Variants in MYH11 observed in about 807,000 individuals in gnomAD.
MYH11 encodes myosin heavy chain 11.
A neutral mutation model predicts 246.6 loss-of-function variants in MYH11; 80 were observed. That is an observed-to-expected ratio of 0.32 (90% CI 0.27 to 0.39). The LOEUF is 0.39. MYH11 is among the 10% of genes least tolerant of loss of function. The pLI, the probability that MYH11 is intolerant of heterozygous loss-of-function variation, is 1.00. For missense variants in MYH11, 2,158 were observed against 2,546.8 expected (o/e 0.85, Z 3.29); for synonymous variants, 1,071 against 1,015.5 (o/e 1.05, Z -1.04).
At chr16:15,833,424 T>G (rs215592) in intron 2 of MYH11, among the ~76,000 whole-genome samples, 119,099 of 150,584 alleles carry the variant, frequency 0.79, 47,407 homozygotes, top group African/African-American at 0.87. Flanking sequence ...AGGAACGAAC[T>G]AACTAACTCG....
intron 2 of MYH11, among the ~76,000 whole-genome samples, chr16:15,825,512 G>A (rs1267324936): frequency 1.3e-5 from 2 of 151,862 alleles, no homozygotes; most frequent in African/African-American, 2.4e-5. Flanking sequence ...AGCTATGATT[G>A]TACCATTGCA....
intron 8 of MYH11, among the ~76,000 whole-genome samples, chr16:15,773,290 A>ATTT (rs34265896): frequency 0.13 from 16,967 of 128,520 alleles, 1,442 homozygotes; most frequent in South Asian, 0.18. Context: ...TCCTCCAGCT[A>ATTT]TTTTTTTTTT....
rs59352444 is a variant in MYH11 at position 15,831,464 on chromosome 16, GGTGTGTGTGTGTGT to G, written c.345+6430_345+6443del. On this transcript the variant is annotated intron_variant, in intron 2 of 40. Coordinates refer to ENST00000300036, the MANE Select transcript of MYH11 (RefSeq NM_002474.3). ...AGGAGTGACTTTTTCTTATGTTTGG[GGTGTGTGTGTGTGT>G]GTGTGTGTGTGTGTGTGTGTACATA... is the stretch of plus-strand genomic sequence containing the variant. 2.7e-5 allele frequency among the ~76,000 whole-genome samples: 4 copies of G among 145,588 alleles called. No homozygotes were observed. The South Asian group carries it at 6.6e-4, about 24-fold the overall frequency.
At chr16:15,746,297 G>A (rs771326847) in intron 19 of MYH11, among the ~76,000 whole-genome samples, 5 of 151,938 alleles carry the variant, frequency 3.3e-5, no homozygotes, top group Admixed American at 6.6e-5. Flanking sequence ...CACTCTTCCC[G>A]TTTAAGGGCT....
chr16:15,847,401 CCA>C (rs1371340791), intron 1 of MYH11, among the ~76,000 whole-genome samples: 1 of 152,068 alleles, frequency 6.6e-6, no homozygotes, highest in African/African-American at 2.4e-5. Context: ...CAGGCACCTG[CCA>C]CCATGCCCAG....
In MYH11 at chr16:15,747,861, C is replaced by T; in HGVS notation, c.2250+13G>A. ...CAGAGGTTGGGAGGTCTCTGGTGGA[C>T]TTCTGGGCTCACCATGAGAATGCAG... On this transcript the variant is annotated intron_variant, in intron 18 of 40. Transcript: ENST00000300036. The T allele has an allele frequency of 6.2e-7, 1 of 1,613,796 alleles. No individual in the cohort carries two copies. Among genetic ancestry groups the T allele is most frequent in the Non-Finnish European group, 8.5e-7 (1 of 1,179,990 alleles).
Position 15,724,146 on chromosome 16 carries a change from C to A in MYH11, c.4365+15G>T. On this transcript the variant is annotated intron_variant, in intron 31 of 40. Coordinates refer to ENST00000300036, the MANE Select transcript of MYH11 (RefSeq NM_002474.3). ...GCGTCCATGGCCAGAGTGGGGGACA[C>A]CCCACGCCCTCTACCTGATCAAATT... is the stretch of plus-strand genomic sequence containing the variant. 6.2e-7 allele frequency: 1 copy of A among 1,612,512 alleles called. No homozygotes were observed. Among genetic ancestry groups the A allele is most frequent in the African/African-American group, 1.3e-5 (1 of 75,020 alleles).
intron 25 of MYH11, among the ~76,000 whole-genome samples, chr16:15,737,114 C>A (rs200496337): frequency 6.6e-6 from 1 of 151,914 alleles, no homozygotes; most frequent in Non-Finnish European, 1.5e-5. Context: ...TTTGAGATGA[C>A]GGTGGAAATT....
At chr16:15,751,353 G>C (rs966192277) in intron 15 of MYH11, among the ~76,000 whole-genome samples, 4 of 151,512 alleles carry the variant, frequency 2.6e-5, no homozygotes, top group Non-Finnish European at 5.9e-5. Flanking sequence ...AGTAGAGACA[G>C]AGTTTCTCCA....
intron 5 of MYH11, chr16:15,785,571 C>A (rs1051415513): frequency 2.0e-5 from 3 of 151,834 alleles, no homozygotes; most frequent in Non-Finnish European, 4.4e-5. Context: ...GCCATGGTGG[C>A]TGCCCCAGAG....
intron 1 of MYH11, among the ~76,000 whole-genome samples, chr16:15,851,492 G>C (rs2044327877): frequency 6.6e-6 from 1 of 152,092 alleles, no homozygotes; most frequent in African/African-American, 2.4e-5. Context: ...TTGGAGTCAG[G>C]AGTACAATCC....
intron 20 of MYH11, among the ~76,000 whole-genome samples, chr16:15,744,699 T>C (rs1483078299): frequency 6.6e-6 from 1 of 151,876 alleles, no homozygotes; most frequent in Admixed American, 6.6e-5. Context: ...GACAGGGTTT[T>C]GCCATGTTGG....
At chr16:15,795,376 C>T (rs749027847) in intron 4 of MYH11, among the ~76,000 whole-genome samples, 1 of 151,996 alleles carries the variant, frequency 6.6e-6, no homozygotes, top group African/African-American at 2.4e-5. Flanking sequence ...CTTGGGAGGC[C>T]GAGGCTCCCC....
At chr16:15,770,960 C>G (rs1367613554) in intron 9 of MYH11, among the ~76,000 whole-genome samples, 2 of 151,798 alleles carry the variant, frequency 1.3e-5, no homozygotes, top group African/African-American at 4.8e-5. Context: ...ATCTTTTGAA[C>G]ACCTAGATCT....
chr16:15,826,787 T>C (rs1160434438), intron 2 of MYH11, among the ~76,000 whole-genome samples: 1 of 150,324 alleles, frequency 6.7e-6, no homozygotes, highest in African/African-American at 2.4e-5. Context: ...CACTCAGGAG[T>C]TCAAGACCAA....
At chr16:15,833,061 C>T (rs974065363) in intron 2 of MYH11, among the ~76,000 whole-genome samples, 3 of 136,766 alleles carry the variant, frequency 2.2e-5, no homozygotes, top group Non-Finnish European at 4.5e-5. Context: ...TTTGGGAGGC[C>T]GAAGTGGTGA....
At chr16:15,807,400 C>A (rs950677252) in intron 3 of MYH11, among the ~76,000 whole-genome samples, 3 of 152,102 alleles carry the variant, frequency 2.0e-5, no homozygotes, top group Non-Finnish European at 4.4e-5. Context: ...GGATGTGAAC[C>A]CAAGTGCTAT....
At chr16:15,746,822 T>G (rs888631944) in intron 19 of MYH11, among the ~76,000 whole-genome samples, 1 of 152,124 alleles carries the variant, frequency 6.6e-6, no homozygotes, top group Admixed American at 6.6e-5. Context: ...GCGCAGTGGG[T>G]CATGCCTATA....
intron 12 of MYH11, 110 bp downstream of exon 12, chr16:15,759,466 T>C (rs2041815811): frequency 7.1e-7 from 1 of 1,399,576 alleles, no homozygotes; most frequent in African/African-American, 1.4e-5. Context: ...GACAGCCTCC[T>C]ACCCTACAGT....
Sources: allele counts gnomAD v4.1 joint callset (sites outside exome capture counted in the v4.1 genomes callset), GRCh38; gene constraint gnomAD v4.1.1; transcripts MANE v1.5; gene names NCBI Gene and HGNC (gene_info 2026-07-23, HGNC 2026-07-21).